Variants in MYO5B observed in about 807,000 individuals in gnomAD.
The protein encoded by MYO5B is myosin VB.
MYO5B carries 143 observed loss-of-function variants against 229.3 expected under a neutral mutation model. The ratio of observed to expected loss-of-function variants is 0.62; its 90% CI spans 0.54 to 0.72. The LOEUF (loss-of-function observed/expected upper bound fraction) is 0.72. MYO5B is among the 30% of genes least tolerant of loss of function. The probability of loss-of-function intolerance (pLI) is 0.00; values close to 1 mark genes in which losing one functional copy is unlikely to be tolerated. For missense variants in MYO5B, 2,321 were observed against 2,331.0 expected (o/e 1.00, Z 0.09); for synonymous variants, 918 against 885.2 (o/e 1.04, Z -0.66).
At chr18:49,864,539 A>C (rs2024374425) in intron 27 of MYO5B, among the ~76,000 whole-genome samples, 159 bp from the exon 28 acceptor site, 1 of 152,148 alleles carries the variant, frequency 6.6e-6, no homozygotes, top group Non-Finnish European at 1.5e-5. Context: ...AAGCAGTCAA[A>C]GCTGGGGCCT....
intron 27 of MYO5B, among the ~76,000 whole-genome samples, chr18:49,867,842 T>C (rs1464823307): frequency 6.6e-6 from 1 of 152,180 alleles, no homozygotes; most frequent in Non-Finnish European, 1.5e-5. Flanking sequence ...CTCTCACAAA[T>C]CTAGCCACAG....
chr18:49,823,378 G>T lies in MYO5B; in HGVS notation c.*3093C>A, dbSNP rs951149570. The T allele has an allele frequency of 3.9e-5, 6 of 152,310 alleles. No homozygotes were observed. The highest frequency in any genetic ancestry group is 7.3e-5 in the Non-Finnish European group (5 of 68,058). 9.4% of individuals were successfully genotyped at this position (152,310 alleles called of 1,614,324 possible). ...GCTGTCCCATTTTAGTGACCATTTA[G>T]TTATGCAGGCATTATACAAATGCCT... On this transcript the variant is annotated 3_prime_UTR_variant, in exon 40 of 40. Transcript: ENST00000285039.
At chr18:50,059,257 T>C (rs937995950) in intron 1 of MYO5B, among the ~76,000 whole-genome samples, 2 of 152,144 alleles carry the variant, frequency 1.3e-5, no homozygotes, top group African/African-American at 4.8e-5. Context: ...CTAAAACACA[T>C]TGTGATAAGT....
At chr18:50,130,707 C>A (rs1382266564) in intron 1 of MYO5B, among the ~76,000 whole-genome samples, 1 of 152,036 alleles carries the variant, frequency 6.6e-6, no homozygotes, top group East Asian at 1.9e-4. Context: ...TAGAACGGTT[C>A]AGATGAACCA....
At chr18:50,071,982 T>A (rs1302855861) in intron 1 of MYO5B, among the ~76,000 whole-genome samples, 1 of 152,152 alleles carries the variant, frequency 6.6e-6, no homozygotes, top group East Asian at 1.9e-4. Context: ...CTAGCTTCCA[T>A]CACTGGGGAC....
At chr18:50,001,998 T>G (rs2026052754) in intron 4 of MYO5B, among the ~76,000 whole-genome samples, 1 of 138,946 alleles carries the variant, frequency 7.2e-6, no homozygotes, top group Non-Finnish European at 1.5e-5. Flanking sequence ...ATCGTGCCAC[T>G]GCACTCCAGC....
At chr18:50,018,587 A>T (rs1032901068) in intron 4 of MYO5B, among the ~76,000 whole-genome samples, 2 of 152,154 alleles carry the variant, frequency 1.3e-5, no homozygotes, top group Non-Finnish European at 2.9e-5. Context: ...TCAATTGATC[A>T]TCAGAACAAC....
intron 2 of MYO5B, among the ~76,000 whole-genome samples, chr18:50,043,207 G>A (rs1280334321): frequency 7.0e-6 from 1 of 143,526 alleles, no homozygotes; most frequent in Non-Finnish European, 1.5e-5. Context: ...AGTGGATAAA[G>A]AAATTGTGGT....
At chr18:49,950,552 G>A (rs1375206286) in intron 14 of MYO5B, among the ~76,000 whole-genome samples, 3 of 152,130 alleles carry the variant, frequency 2.0e-5, no homozygotes, top group Non-Finnish European at 4.4e-5. Context: ...AGAAATAGAT[G>A]TGTACTCGTG....
chr18:50,121,082 C>T (rs1333757779), intron 1 of MYO5B, among the ~76,000 whole-genome samples: 1 of 151,996 alleles, frequency 6.6e-6, no homozygotes, highest in Non-Finnish European at 1.5e-5. Flanking sequence ...GCTTTCCCTT[C>T]TCCTCTGTTT....
intron 29 of MYO5B, among the ~76,000 whole-genome samples, chr18:49,862,450 A>C (rs572803816): frequency 6.6e-6 from 1 of 152,084 alleles, no homozygotes; most frequent in African/African-American, 2.4e-5. Flanking sequence ...CATCTTCCCA[A>C]AGCCACAGGA....
intron 8 of MYO5B, among the ~76,000 whole-genome samples, chr18:49,980,889 T>G (rs563557138): frequency 1.3e-5 from 2 of 152,382 alleles, no homozygotes; most frequent in Admixed American, 6.5e-5. Flanking sequence ...CCAAACACTT[T>G]ATGGATGTTT....
intron 1 of MYO5B, among the ~76,000 whole-genome samples, chr18:50,144,557 C>G (rs1023667248): frequency 7.2e-5 from 11 of 152,176 alleles, no homozygotes; most frequent in Admixed American, 1.3e-4. Flanking sequence ...CTGGAAGATG[C>G]TCTCCATGAG....
intron 14 of MYO5B, among the ~76,000 whole-genome samples, chr18:49,941,368 G>A (rs2025311781): frequency 6.6e-6 from 1 of 152,168 alleles, no homozygotes; most frequent in South Asian, 2.1e-4. Flanking sequence ...GCTACAATAG[G>A]CTGCTGACAC....
intron 25 of MYO5B, among the ~76,000 whole-genome samples, chr18:49,877,289 C>T (rs372304673): frequency 1.3e-5 from 2 of 152,246 alleles, no homozygotes; most frequent in Non-Finnish European, 2.9e-5. Context: ...AAGATACAGT[C>T]ACCCAGCATA....
chr18:49,877,739 T>C lies in MYO5B; in HGVS notation c.3396+24A>G, dbSNP rs534574622. ...ACACACTCCCTCTGGAGGAGGACAG[T>C]ACCCAAGAGCCTGCATCACTCACCT... On this transcript the variant is annotated intron_variant, in intron 25 of 39. Transcript: ENST00000285039. 1.9e-6 allele frequency: 3 copies of C among 1,613,498 alleles called. No individual in the cohort carries two copies. In the South Asian group the frequency reaches 3.3e-5, roughly 18 times the overall value.
At chr18:50,130,109 C>T (rs1341500689) in intron 1 of MYO5B, among the ~76,000 whole-genome samples, 1 of 152,182 alleles carries the variant, frequency 6.6e-6, no homozygotes, top group African/African-American at 2.4e-5. Flanking sequence ...CACAGCAAGG[C>T]TGAGTGCCAG....
chr18:50,097,890 A>C (rs1051934244), intron 1 of MYO5B, among the ~76,000 whole-genome samples: 2 of 152,224 alleles, frequency 1.3e-5, no homozygotes, highest in African/African-American at 4.8e-5. Context: ...ATGAAACAGG[A>C]AACTGGAGAC....
At chr18:50,083,412 C>G (rs1277694347) in intron 1 of MYO5B, among the ~76,000 whole-genome samples, 2 of 152,164 alleles carry the variant, frequency 1.3e-5, no homozygotes, top group South Asian at 4.1e-4. Context: ...TTGGTCTCTC[C>G]GACATTCAGC....
Sources: gnomAD v4.1 joint callset for allele counts (sites outside exome capture counted in the v4.1 genomes callset) on GRCh38, gnomAD v4.1.1 for gene constraint, MANE v1.5 for transcripts, NCBI Gene and HGNC (gene_info 2026-07-23, HGNC 2026-07-21) for gene names.